The following EIF2AK4 variants were observed in gnomAD, a reference collection of about 807,000 sequenced individuals.
EIF2AK4 encodes the protein eIF-2-alpha kinase GCN2.
Under a neutral mutation model 211.1 loss-of-function variants are expected in EIF2AK4, and 139 were observed. The observed-to-expected ratio is 0.66, with a 90% CI of 0.57 to 0.76. The LOEUF (loss-of-function observed/expected upper bound fraction) is 0.76, where lower values mean the gene tolerates loss of function less well. Ranked by LOEUF, EIF2AK4 falls within the 30% of genes least tolerant of loss-of-function variation. The pLI, the probability that EIF2AK4 is intolerant of heterozygous loss-of-function variation, is 0.00. For synonymous variants in EIF2AK4, 710 were observed against 751.3 expected, an observed-to-expected ratio of 0.94 and a Z score of 0.90; for missense variants, 1,664 against 2,043.8, an observed-to-expected ratio of 0.81 and a Z score of 3.58.
At chr15:39,993,149 T>C (rs12917284) in intron 18 of EIF2AK4, among the ~76,000 whole-genome samples, 53 of 125,794 alleles carry the variant, frequency 4.2e-4, no homozygotes, top group South Asian at 8.8e-4. Flanking sequence ...TCCATCCACC[T>C]GTCCATCCAC....
chr15:39,984,428 TA>T (rs1267370365), intron 13 of EIF2AK4, among the ~76,000 whole-genome samples: 1 of 152,220 alleles, frequency 6.6e-6, no homozygotes, highest in Non-Finnish European at 1.5e-5. Flanking sequence ...ATTGAATCTA[TA>T]AATTACTTTG....
chr15:40,025,068 A>T (rs1482607388), intron 32 of EIF2AK4, among the ~76,000 whole-genome samples: 1 of 152,166 alleles, frequency 6.6e-6, no homozygotes, highest in Non-Finnish European at 1.5e-5. Context: ...TCCTACCCTC[A>T]AGAATTCGTG....
intron 9 of EIF2AK4, among the ~76,000 whole-genome samples, chr15:39,968,970 A>T (rs1471410984): frequency 6.6e-6 from 1 of 152,116 alleles, no homozygotes; most frequent in African/African-American, 2.4e-5. Flanking sequence ...GTATATGAAA[A>T]TATTAAGATT....
Position 40,022,623 on chromosome 15 carries a change from T to G in EIF2AK4, c.4389+18T>G. On this transcript the variant is annotated intron_variant, in intron 32 of 38. Transcript: ENST00000263791. ...ATGTCAAGGTAAAGACGTCAGAGAT[T>G]TTTTACAATTCAATAGTTAGGTGTT... is the stretch of plus-strand genomic sequence containing the variant. The G allele has an allele frequency of 1.9e-6, 3 of 1,611,712 alleles. No homozygotes were observed. Among genetic ancestry groups the G allele is most frequent in the Non-Finnish European group, 2.5e-6 (3 of 1,177,810 alleles).
At chr15:39,998,643 C>A in intron 19 of EIF2AK4, 88 bp from the exon 20 acceptor site, 1 of 1,038,602 alleles carries the variant, frequency 9.6e-7, no homozygotes, top group Non-Finnish European at 1.4e-6. Flanking sequence ...ATTTTTATTT[C>A]TGTATTTGAT....
At position 40,025,999 on chromosome 15, in the gene EIF2AK4, G is replaced by A; in HGVS notation, c.4412G>A (p.Arg1471Lys). The A allele has an allele frequency of 6.2e-7, 1 of 1,614,106 alleles. No homozygotes were observed. ...HVKVKSFEKE[R>K]QTEKRVLETE... ...AAGGTTAAGTCTTTCGAGAAGGAAA[G>A]GCAGACAGAGAAGCGTGTGCTGGAG... Residue 1471 changes from arginine to lysine, a missense_variant, in exon 33 of 39, where the codon AGG becomes AAG. Arg to Lys is a conservative substitution (Grantham distance 26). Transcript: ENST00000263791.
intron 15 of EIF2AK4, among the ~76,000 whole-genome samples, chr15:39,988,864 C>T (rs908260578): frequency 3.9e-5 from 6 of 152,172 alleles, no homozygotes; most frequent in South Asian, 2.1e-4. Context: ...AGCTGAGTGT[C>T]GTGGTGCACA....
intron 33 of EIF2AK4, 189 bp from the exon 34 acceptor site, chr15:40,029,217 T>C: frequency 1.4e-6 from 1 of 717,518 alleles, no homozygotes; most frequent in Non-Finnish European, 1.7e-6. Flanking sequence ...TCCTTTATAA[T>C]TTTTACTTGC....
intron 20 of EIF2AK4, among the ~76,000 whole-genome samples, chr15:40,000,243 G>A (rs1419990313): frequency 1.3e-5 from 2 of 152,070 alleles, no homozygotes; most frequent in African/African-American, 4.8e-5. Context: ...AATTGCCTGT[G>A]TTTTTATTTT....
rs199719655 is a variant in EIF2AK4 at position 39,992,802 on chromosome 15, A to T, written c.2720A>T (p.Tyr907Phe). ...HLTGMVGTALYVSPEVQGSTK... is the reference protein window; with the variant it reads ...HLTGMVGTALFVSPEVQGSTK... ...ACTGGGATGGTTGGCACTGCTCTCT[A>T]TGTAAGCCCAGAGGTCCAAGGAAGC... The change falls in exon 18 of 39, where the codon TAT becomes TTT. Residue 907 changes from tyrosine (Y) to phenylalanine (F), a missense_variant. Physicochemically the swap from Tyr to Phe is conservative, Grantham distance 22. Coordinates refer to ENST00000263791, the MANE Select transcript of EIF2AK4 (RefSeq NM_001013703.4). 4.3e-5 allele frequency: 70 copies of T among 1,614,154 alleles called. No homozygotes were observed. Among genetic ancestry groups the T allele is most frequent in the Non-Finnish European group, 4.9e-5 (58 of 1,180,018 alleles).
rs587777208 is a variant in EIF2AK4 at position 40,008,067 on chromosome 15, C to T, written c.3448C>T (p.Arg1150Ter). ...ERVFRPRKLD[R>*]FHPKELLECA... The stretch of plus-strand genomic sequence containing the variant: ...TGTGTTCAGGCCGCGCAAGTTAGAT[C>T]GATTTCATCCCAAAGAACTTCTGGA... Residue 1150 changes from arginine (R) to a stop codon, truncating the protein, a stop_gained, in exon 25 of 39, where the codon CGA becomes TGA. Transcript: ENST00000263791. LOFTEE classifies it high-confidence loss of function. 5 of 1,610,178 alleles carry T rather than the reference C, an allele frequency of 3.1e-6. No homozygotes were observed. The highest frequency in any genetic ancestry group is 2.2e-5 in the East Asian group (1 of 44,684).
Position 39,992,782 on chromosome 15 carries a change from G to A in EIF2AK4, c.2700G>A (p.Gly900=), listed in dbSNP as rs751895032. The A allele has an allele frequency of 1.1e-5, 18 of 1,614,040 alleles. No homozygotes were observed. The highest frequency in any genetic ancestry group is 8.5e-7 in the Non-Finnish European group (1 of 1,180,022). The change falls in exon 18 of 39, where the codon GGG becomes GGA. Residue 900 remains glycine (G), a synonymous_variant. Transcript: ENST00000263791. The part of the protein sequence containing the change: ...IKSDPSGHLT[G]MVGTALYVSP... ...TCCTCCACACAGGTCACTTAACTGG[G>A]ATGGTTGGCACTGCTCTCTATGTAA...
chr15:39,999,552 A>T (rs2035064651), intron 20 of EIF2AK4, among the ~76,000 whole-genome samples: 1 of 152,194 alleles, frequency 6.6e-6, no homozygotes, highest in Non-Finnish European at 1.5e-5. Context: ...CTTGCTGGTT[A>T]TGTATCTGAA....
chr15:39,987,842 C>T (rs995723685), intron 14 of EIF2AK4, 141 bp from the exon 15 acceptor site: 13 of 851,660 alleles, frequency 1.5e-5, no homozygotes, highest in South Asian at 2.8e-5. Context: ...GTTTCTTTTT[C>T]GTGTAGAAAA....
At chr15:40,009,491 C>G (rs1455951192) in intron 25 of EIF2AK4, 123 bp from the exon 26 acceptor site, 1 of 610,090 alleles carries the variant, frequency 1.6e-6, no homozygotes, top group East Asian at 2.8e-5. Flanking sequence ...AACTAGGAAG[C>G]CATATGCTAA....
chr15:39,939,592 A>T lies in EIF2AK4; in HGVS notation c.232A>T (p.Lys78Ter). Reference protein sequence around the residue: ...EVYVKVDLRVKCPPTYPDVVP... With the variant: ...EVYVKVDLRV ...ATATGTAAAAGTGGATTTGAGGGTT[A>T]AATGCCCACCTACCTATCCAGATGT... The change falls in exon 2 of 39, where the codon AAA (lysine) becomes TAA (stop). Residue 78 changes from lysine (K) to a stop codon, truncating the protein, a stop_gained. Transcript: ENST00000263791. LOFTEE classifies it high-confidence loss of function. The T allele has an allele frequency of 6.2e-7, 1 of 1,612,550 alleles. No homozygotes were observed. The highest frequency in any genetic ancestry group is 8.5e-7 in the Non-Finnish European group (1 of 1,179,020).
chr15:40,015,962 C>T (rs1031128273), intron 27 of EIF2AK4, among the ~76,000 whole-genome samples: 1 of 152,180 alleles, frequency 6.6e-6, no homozygotes, highest in African/African-American at 2.4e-5. Context: ...CTGGTGACAG[C>T]CAGGATCTGG....
rs117018929 is a variant in EIF2AK4, at chr15:39,974,075, T to C, written c.1818+326T>C. 2.3e-3 allele frequency: 398 copies of C among 174,278 alleles called. 4 individuals carry two copies. The highest frequency in any genetic ancestry group is 0.018 in the East Asian group (116 of 6,492). 10.8% of individuals were successfully genotyped at this position (174,278 alleles called of 1,614,324 possible). A position where few individuals can be genotyped will look rare whatever the true frequency, so the allele number is the denominator to read the frequency against. On this transcript the variant is annotated intron_variant, in intron 11 of 38. Transcript: ENST00000263791. Reference sequence around the variant, plus strand: ...CTTTGGTTCAGAAAGAACATTGTTCTTTTTTTCTCCTGTTTGCTGTTAGAG... The same window carrying C: ...CTTTGGTTCAGAAAGAACATTGTTCCTTTTTTCTCCTGTTTGCTGTTAGAG...
rs747868159 is a variant in EIF2AK4, at chr15:40,026,122, C to T, written c.4502+33C>T. The T allele has an allele frequency of 1.5e-5, 24 of 1,563,806 alleles. No individual in the cohort carries two copies. In the South Asian group the frequency reaches 2.7e-4, roughly 17 times the overall value. ...AGGAAACAAAAGCCGAGAAAAGTGACTTCAGTTACCTATATGGAAACTACG... is the reference window on the plus strand; with the variant it reads ...AGGAAACAAAAGCCGAGAAAAGTGATTTCAGTTACCTATATGGAAACTACG... On this transcript the variant is annotated intron_variant, in intron 33 of 38. Transcript: ENST00000263791.
Sources: gnomAD v4.1 joint callset for allele counts (sites outside exome capture counted in the v4.1 genomes callset) on GRCh38, gnomAD v4.1.1 for gene constraint, MANE v1.5 for transcripts, NCBI Gene and HGNC (gene_info 2026-07-23, HGNC 2026-07-21) for gene names.